The following ADAP1 variants were observed in gnomAD, a reference collection of about 807,000 sequenced individuals.
The protein encoded by ADAP1 is arf-GAP with dual PH domain-containing protein 1.
A neutral mutation model predicts 54.9 loss-of-function variants in ADAP1; 31 were observed. That is an observed-to-expected ratio of 0.56 (90% CI 0.42 to 0.76). The LOEUF (loss-of-function observed/expected upper bound fraction) is 0.76, where lower values mean the gene tolerates loss of function less well. ADAP1 is among the 30% of genes least tolerant of loss of function. The pLI is 0.00. For synonymous variants in ADAP1, 313 were observed against 202.6 expected, an observed-to-expected ratio of 1.55 and a Z score of -4.63; for missense variants, 535 against 512.4, an observed-to-expected ratio of 1.04 and a Z score of -0.42.
intron 4 of ADAP1, among the ~76,000 whole-genome samples, chr7:916,772 G>A (rs1001554065): frequency 5.9e-5 from 9 of 152,108 alleles, no homozygotes; most frequent in African/African-American, 1.7e-4. Context: ...GGCAGGAGCT[G>A]CCCTGGAGGA....
intron 4 of ADAP1, among the ~76,000 whole-genome samples, chr7:913,725 A>G (rs576885845): frequency 6.6e-6 from 1 of 152,138 alleles, no homozygotes; most frequent in African/African-American, 2.4e-5. Context: ...ACCTGAGGTC[A>G]GGAGTTCCAG....
intron 4 of ADAP1, 98 bp from the exon 5 acceptor site, chr7:905,270 C>CACGGGGGAGACGGACGGGGACACGG (rs1562911024): frequency 2.0e-6 from 1 of 507,186 alleles, no homozygotes. Context: ...GGGGAGAAGA[C>CACGGGGGAGACGGACGGGGACACGG]ACGGGGGACA....
intron 1 of ADAP1, among the ~76,000 whole-genome samples, chr7:941,388 A>G (rs1348306113): frequency 6.6e-6 from 1 of 152,224 alleles, no homozygotes; most frequent in Non-Finnish European, 1.5e-5. Context: ...AACAGACAAC[A>G]TGATTGTCTA....
chr7:930,621 C>G (rs969008837), intron 2 of ADAP1, among the ~76,000 whole-genome samples: 7 of 151,700 alleles, frequency 4.6e-5, no homozygotes, highest in African/African-American at 1.7e-4. Context: ...GAGTTCAAGG[C>G]CAGCCTGGCC....
chr7:910,399 G>A (rs1192500885), intron 4 of ADAP1, among the ~76,000 whole-genome samples: 2 of 151,950 alleles, frequency 1.3e-5, no homozygotes, highest in African/African-American at 4.8e-5. Flanking sequence ...ACAGATGCAC[G>A]CCACCACACC....
chr7:907,697 C>G (rs750426452), intron 4 of ADAP1, among the ~76,000 whole-genome samples: 1 of 152,222 alleles, frequency 6.6e-6, no homozygotes, highest in Non-Finnish European at 1.5e-5. Flanking sequence ...CCTGGCTGTC[C>G]CGCCCCAACA....
At chr7:903,026 C>G (rs1177440960) in intron 6 of ADAP1, among the ~76,000 whole-genome samples, 1 of 152,148 alleles carries the variant, frequency 6.6e-6, no homozygotes, top group African/African-American at 2.4e-5. Flanking sequence ...GACGTAGGAC[C>G]CGGGCAGCAG....
chr7:909,703 G>A (rs1220361232), intron 4 of ADAP1, among the ~76,000 whole-genome samples: 4 of 152,254 alleles, frequency 2.6e-5, no homozygotes, highest in Non-Finnish European at 4.4e-5. Context: ...CAGCGTCCTG[G>A]ACAGCCGGGT....
intron 4 of ADAP1, chr7:905,499 AAGGGAGAAGGG>A (rs1845149777): frequency 8.2e-5 from 1 of 12,166 alleles, no homozygotes; most frequent in South Asian, 2.6e-3. Flanking sequence ...GAGAAGGGAG[AAGGGAGAAGGG>A]AGAAGGGAGA....
intron 4 of ADAP1, among the ~76,000 whole-genome samples, chr7:914,840 T>A (rs1845866047): frequency 6.6e-6 from 1 of 152,042 alleles, no homozygotes; most frequent in Non-Finnish European, 1.5e-5. Flanking sequence ...CTTGGCCGTC[T>A]GAAGCAGCCA....
Position 906,711 on chromosome 7 carries a change from G to T in ADAP1, c.389-1539C>A, listed in dbSNP as rs1226960974. Among the ~76,000 whole-genome samples, 126 of 29,426 alleles carry T rather than the reference G, an allele frequency of 4.3e-3. 7 individuals carry two copies. The East Asian group carries it at 0.091, about 21-fold the overall frequency. The allele number at this position is 29,426 out of a possible 152,430, so 19.3% of individuals were successfully genotyped here. A position where few individuals can be genotyped will look rare whatever the true frequency, so the allele number is the denominator to read the frequency against. ...ACGGGGGACATGGACATGGGGGACGGGACATCGGGGACGGGACATGGGGGA... is the reference window on the plus strand; with the variant it reads ...ACGGGGGACATGGACATGGGGGACGTGACATCGGGGACGGGACATGGGGGA... On this transcript the variant is annotated intron_variant, in intron 4 of 10. Transcript: ENST00000265846.
chr7:931,773 G>GAA (rs11367737), intron 2 of ADAP1, among the ~76,000 whole-genome samples: 265 of 140,508 alleles, frequency 1.9e-3, no homozygotes, highest in Non-Finnish European at 2.7e-3. Flanking sequence ...AAAGTAGGGA[G>GAA]AAAAAAAAAA....
intron 4 of ADAP1, among the ~76,000 whole-genome samples, chr7:905,915 GGAGA>G (rs1244449211): frequency 0.042 from 37 of 890 alleles, 5 homozygotes; most frequent in Non-Finnish European, 0.096. Context: ...GAAAGGGAAA[GGAGA>G]AAGGGAGAAA....
chr7:918,566 G>A (rs973027944), intron 4 of ADAP1, among the ~76,000 whole-genome samples: 2 of 152,190 alleles, frequency 1.3e-5, no homozygotes, highest in Non-Finnish European at 2.9e-5. Context: ...GGGCAGTGCT[G>A]GGGTTGCAGG....
At chr7:955,283 T>G (rs1847358239), upstream of ADAP1, 2 of 1,549,478 alleles carry the variant, frequency 1.3e-6, no homozygotes, top group Non-Finnish European at 1.7e-6. Context: ...AAACCTGGTT[T>G]TGATGTCACC....
intron 1 of ADAP1, among the ~76,000 whole-genome samples, chr7:948,808 C>G (rs192868776): frequency 1.3e-5 from 2 of 152,182 alleles, no homozygotes; most frequent in East Asian, 1.9e-4. Context: ...GCGATTCTCC[C>G]ACCTCAACCT....
intron 4 of ADAP1, 81 bp from the exon 5 acceptor site, chr7:905,253 G>A (rs1240459908): frequency 3.1e-6 from 3 of 966,724 alleles, no homozygotes; most frequent in Non-Finnish European, 4.6e-6. Flanking sequence ...CAGGACAGAG[G>A]GGACATGGGG....
Position 935,367 on chromosome 7 carries a change from C to T in ADAP1, c.213+8G>A, listed in dbSNP as rs565312113. On this transcript the variant is annotated splice_region_variant and intron_variant, in intron 2 of 10. Transcript: ENST00000265846. ...TGCGCGGGTCCCCCCGCCCCTCCCC[C>T]TCCGTACCTCCACTTGGGCCTCCTC... is the stretch of plus-strand genomic sequence containing the variant. 2.8e-5 allele frequency: 43 copies of T among 1,555,268 alleles called. No homozygotes were observed. In the East Asian group the frequency reaches 1.0e-3, roughly 37 times the overall value.
In ADAP1 at chr7:926,585, G is replaced by A; in HGVS notation, c.273C>T (p.Ser91=). 1 of 1,542,566 alleles carries A rather than the reference G, an allele frequency of 6.5e-7. No individual in the cohort carries two copies. Among genetic ancestry groups the A allele is most frequent in the Non-Finnish European group, 8.7e-7 (1 of 1,144,636 alleles). The change falls in exon 3 of 11, where the codon TCC becomes TCT. Residue 91 remains serine (S), a synonymous_variant. Transcript: ENST00000265846. This position sits in a 1 kb window ranked among gnomAD's most constrained non-coding sequence, Gnocchi z 4.6. ...CGGAGGGCGTGGGCCGGTAGTAGAA[G>A]GAGGGTACTTTGGACTCAAACCTGG... is the stretch of plus-strand genomic sequence containing the variant. ...ARARFESKVP[S]FYYRPTPSDC...
Sources: allele counts gnomAD v4.1 joint callset (sites outside exome capture counted in the v4.1 genomes callset), GRCh38; gene constraint gnomAD v4.1.1; non-coding constraint Gnocchi (gnomAD v3.1); transcripts MANE v1.5; gene names NCBI Gene and HGNC (gene_info 2026-07-23, HGNC 2026-07-21).